The following RYR3 variants were observed in gnomAD, a reference collection of about 807,000 sequenced individuals.
The protein encoded by RYR3 is brain ryanodine receptor-calcium release channel.
In RYR3, 207 loss-of-function variants were observed where a neutral mutation model predicts 584.3. The observed-to-expected ratio is 0.35, with a 90% confidence interval of 0.32 to 0.40. The LOEUF is 0.40. RYR3 is among the 10% of genes least tolerant of loss of function. The pLI is 1.00. For synonymous variants in RYR3, 2,416 were observed against 2,248.5 expected (o/e 1.07, Z -2.11); for missense variants, 5,616 against 6,089.2 (o/e 0.92, Z 2.59).
intron 38 of RYR3, among the ~76,000 whole-genome samples, chr15:33,691,689 TTTTCTTTCTCTGTACCA>T (rs2065448961): frequency 6.6e-6 from 1 of 152,234 alleles, no homozygotes. Context: ...GCTTTACTTC[TTTTCTTTCTCTGTACCA>T]TTCTATCACA....
At chr15:33,448,790 G>A (rs1051782398) in intron 1 of RYR3, among the ~76,000 whole-genome samples, 3 of 152,116 alleles carry the variant, frequency 2.0e-5, no homozygotes, top group Admixed American at 6.5e-5. Flanking sequence ...AGGCTGACAG[G>A]TGGCAGGACC....
At chr15:33,336,160 AG>A (rs1970939553) in intron 1 of RYR3, among the ~76,000 whole-genome samples, 1 of 152,100 alleles carries the variant, frequency 6.6e-6, no homozygotes. Context: ...ATCAGCAAAA[AG>A]CACCATGAGC....
At position 33,865,311 on chromosome 15, in the gene RYR3, GAAATGTGACATTTTCTA is replaced by G; in HGVS notation, c.*88_*104del. The G allele has an allele frequency of 1.1e-6, 1 of 883,298 alleles. No homozygotes were observed. The highest frequency in any genetic ancestry group is 2.7e-5 in the Admixed American group (1 of 36,810). 54.7% of individuals were successfully genotyped at this position (883,298 alleles called of 1,614,324 possible). A position where few individuals can be genotyped will look rare whatever the true frequency, so the allele number is the denominator to read the frequency against. ...CTTTTTACAGTTCTGCAACATATCT[GAAATGTGACATTTTCTA>G]AATGCCTCCCTTAAAAAAAAAACTG... On this transcript the variant is annotated 3_prime_UTR_variant, in exon 104 of 104. Coordinates refer to ENST00000634891, the MANE Select transcript of RYR3 (RefSeq NM_001036.6).
intron 41 of RYR3, among the ~76,000 whole-genome samples, chr15:33,700,343 C>T (rs952412925): frequency 2.6e-5 from 4 of 152,216 alleles, no homozygotes; most frequent in Non-Finnish European, 4.4e-5. Context: ...AAATCCACCA[C>T]TACCACTAGA....
chr15:33,392,908 T>C (rs2042089542), intron 1 of RYR3, among the ~76,000 whole-genome samples: 1 of 152,240 alleles, frequency 6.6e-6, no homozygotes, highest in Admixed American at 6.5e-5. Context: ...GTAATTATTG[T>C]TCAAGTATGT....
intron 55 of RYR3, 72 bp downstream of exon 55, chr15:33,748,602 G>GA: frequency 1.6e-6 from 2 of 1,247,940 alleles, no homozygotes; most frequent in Non-Finnish European, 1.1e-6. Context: ...GTTAAAGGGG[G>GA]AAAAAAGGGA....
At chr15:33,831,855 C>CT (rs1195732099) in intron 86 of RYR3, among the ~76,000 whole-genome samples, 1 of 152,068 alleles carries the variant, frequency 6.6e-6, no homozygotes, top group Non-Finnish European at 1.5e-5. Context: ...ATGAATAGGG[C>CT]TTTTATTCAT....
chr15:33,799,202 T>G (rs1336937867), intron 67 of RYR3, among the ~76,000 whole-genome samples: 1 of 152,216 alleles, frequency 6.6e-6, no homozygotes, highest in Non-Finnish European at 1.5e-5. Flanking sequence ...AAGGAACATC[T>G]TCTGTTATTC....
At position 33,358,185 on chromosome 15, in the gene RYR3, A is replaced by G. The variant is rs367998586; in HGVS notation, c.51+47089A>G. The stretch of plus-strand genomic sequence containing the variant: ...TGAGCCTTGCTTTCCTCCTTGGTAA[A>G]GTGAGGATAATAATGCCGACTTCAT... On this transcript the variant is annotated intron_variant, in intron 1 of 103. Transcript: ENST00000634891. Among the ~76,000 whole-genome samples the G allele has an allele frequency of 3.3e-5, 5 of 152,186 alleles. No homozygotes were observed. In the East Asian group the frequency reaches 9.6e-4, roughly 29 times the overall value.
At chr15:33,552,347 C>T (rs1210242010) in intron 10 of RYR3, among the ~76,000 whole-genome samples, 3 of 152,298 alleles carry the variant, frequency 2.0e-5, no homozygotes, top group East Asian at 1.9e-4. Context: ...AATACATTTC[C>T]CTTCAAAGGG....
Position 33,322,858 on chromosome 15 carries a change from A to G in RYR3, c.51+11762A>G, listed in dbSNP as rs371088345. On this transcript the variant is annotated intron_variant, in intron 1 of 103. Coordinates refer to ENST00000634891, the MANE Select transcript of RYR3 (RefSeq NM_001036.6). ...CTCTACAAACATAAATGACAAATTC[A>G]GAATTCACACTCTTGTCTACCTTAT... Among the ~76,000 whole-genome samples, 46 of 151,902 alleles carry G rather than the reference A, an allele frequency of 3.0e-4. 1 individual carries two copies. In the East Asian group the frequency reaches 7.5e-3, roughly 25 times the overall value.
At chr15:33,700,467 C>G (rs2066219432) in intron 41 of RYR3, among the ~76,000 whole-genome samples, 1 of 152,198 alleles carries the variant, frequency 6.6e-6, no homozygotes, top group Admixed American at 6.5e-5. Flanking sequence ...TTTTATTTCT[C>G]AAATGCAACC....
rs979125271 is a variant in RYR3, at chr15:33,601,461, G to T, written c.1831G>T (p.Ala611Ser). The T allele has an allele frequency of 1.2e-6, 2 of 1,613,394 alleles. No individual in the cohort carries two copies. The highest frequency in any genetic ancestry group is 1.7e-6 in the Non-Finnish European group (2 of 1,179,694). ...CTCCCTCTGTCTCTGCAATGGGGTT[G>T]CAGTGAGAGCCAACCAGAATCTGAT... ...LCSLCLCNGV[A>S]VRANQNLICD... Residue 611 changes from alanine (A) to serine (S), a missense_variant, in exon 17 of 104, where the codon GCA (alanine) becomes TCA (serine). Coordinates refer to ENST00000634891, the MANE Select transcript of RYR3 (RefSeq NM_001036.6).
chr15:33,575,707 G>A (rs544114888), intron 12 of RYR3, among the ~76,000 whole-genome samples: 2 of 151,726 alleles, frequency 1.3e-5, no homozygotes, highest in Non-Finnish European at 2.9e-5. Flanking sequence ...TAAAAGAACT[G>A]GAGAACCAAG....
At chr15:33,546,314 G>A (rs1364753514) in intron 8 of RYR3, among the ~76,000 whole-genome samples, 1 of 152,110 alleles carries the variant, frequency 6.6e-6, no homozygotes, top group Admixed American at 6.6e-5. Flanking sequence ...AGAGAAAGAG[G>A]AGCATAAATG....
intron 94 of RYR3, chr15:33,850,911 C>T (rs1213087319): frequency 6.6e-6 from 1 of 152,102 alleles, no homozygotes; most frequent in African/African-American, 2.4e-5. Flanking sequence ...ATTCATTCTC[C>T]TGCCTTATAG....
intron 16 of RYR3, 145 bp from the exon 17 acceptor site, chr15:33,601,274 G>A (rs1267946600): frequency 6.7e-6 from 5 of 745,292 alleles, no homozygotes; most frequent in East Asian, 2.7e-5. Context: ...TGGGTAAGAG[G>A]CAAAGCTTCC....
At chr15:33,718,325 C>T (rs1037958883) in intron 43 of RYR3, among the ~76,000 whole-genome samples, 3 of 152,136 alleles carry the variant, frequency 2.0e-5, no homozygotes. Context: ...AAGTCTCTGC[C>T]TTGAGTCTCA....
chr15:33,738,244 C>A (rs566547739), intron 49 of RYR3, among the ~76,000 whole-genome samples: 4 of 152,120 alleles, frequency 2.6e-5, no homozygotes, highest in Non-Finnish European at 5.9e-5. Context: ...CAGGCAGATC[C>A]GCTCAGGCTC....
Sources: gnomAD v4.1 joint callset for allele counts (sites outside exome capture counted in the v4.1 genomes callset) on GRCh38, gnomAD v4.1.1 for gene constraint, MANE v1.5 for transcripts, NCBI Gene and HGNC (gene_info 2026-07-23, HGNC 2026-07-21) for gene names.